Variants in PTPN1 observed in about 807,000 individuals in gnomAD.
The protein encoded by PTPN1 is protein tyrosine phosphatase non-receptor type 1.
Under a neutral mutation model 59.9 loss-of-function variants are expected in PTPN1, and 12 were observed. That is an observed-to-expected ratio of 0.20 (90% CI 0.13 to 0.32). The LOEUF (loss-of-function observed/expected upper bound fraction) is 0.32. Among genes scored for constraint, PTPN1 ranks in the 10% least tolerant of loss-of-function variants. The pLI is 1.00. For missense variants in PTPN1, 356 were observed against 549.2 expected, an observed-to-expected ratio of 0.65 and a Z score of 3.52; for synonymous variants, 178 against 203.6, an observed-to-expected ratio of 0.87 and a Z score of 1.07.
chr20:50,569,431 A>G (rs1027567131), intron 4 of PTPN1, among the ~76,000 whole-genome samples: 4 of 152,188 alleles, frequency 2.6e-5, no homozygotes, highest in Non-Finnish European at 4.4e-5. Flanking sequence ...AACTGCCTGC[A>G]TTCTCCCCTG....
chr20:50,553,614 CAG>C (rs2082713039), intron 1 of PTPN1, among the ~76,000 whole-genome samples: 1 of 152,164 alleles, frequency 6.6e-6, no homozygotes, highest in South Asian at 2.1e-4. Flanking sequence ...CGAAAACCAT[CAG>C]ATATGCAAAA....
At chr20:50,561,861 C>T (rs954396404) in intron 2 of PTPN1, among the ~76,000 whole-genome samples, 6 of 152,152 alleles carry the variant, frequency 3.9e-5, no homozygotes, top group Non-Finnish European at 5.9e-5. Context: ...TGGGCACTGT[C>T]GTCCCCTGCG....
intron 1 of PTPN1, among the ~76,000 whole-genome samples, chr20:50,511,931 AG>A (rs2082509479): frequency 6.6e-6 from 1 of 152,224 alleles, no homozygotes; most frequent in Non-Finnish European, 1.5e-5. Flanking sequence ...AAAGGAAAAA[AG>A]GTTTAAGCAG....
In PTPN1 at chr20:50,568,515, G is replaced by A. The variant is rs755972399; in HGVS notation, c.354+37G>A. On this transcript the variant is annotated intron_variant, in intron 4 of 9. Transcript: ENST00000371621. The surrounding 1 kb of genome is among the most constrained non-coding windows in gnomAD (Gnocchi z 5.6). ...CTTCATTTGCTGTGTATGTGATCAT[G>A]CATACCACTCCATATAGTTACCATT... is the stretch of plus-strand genomic sequence containing the variant. 8 of 1,473,400 alleles carry A rather than the reference G, an allele frequency of 5.4e-6. No individual in the cohort carries two copies. The highest frequency in any genetic ancestry group is 1.9e-6 in the Non-Finnish European group (2 of 1,051,930). The allele number at this position is 1,473,400 out of a possible 1,614,324, so 91.3% of individuals were successfully genotyped here. A position where few individuals can be genotyped will look rare whatever the true frequency, so the allele number is the denominator to read the frequency against.
chr20:50,524,461 AG>A (rs1484104592), intron 1 of PTPN1, among the ~76,000 whole-genome samples: 1,557 of 151,852 alleles, frequency 0.01, 28 homozygotes, highest in African/African-American at 0.035. Context: ...ACATGTGCCT[AG>A]TTCACTGACT....
intron 1 of PTPN1, among the ~76,000 whole-genome samples, chr20:50,525,020 A>G (rs749872575): frequency 3.5e-4 from 53 of 152,196 alleles, no homozygotes; most frequent in Admixed American, 7.9e-4. Flanking sequence ...TAGGTACTGT[A>G]ACACTTCAGA....
At chr20:50,533,091 A>C (rs900027858) in intron 1 of PTPN1, among the ~76,000 whole-genome samples, 6 of 148,938 alleles carry the variant, frequency 4.0e-5, no homozygotes, top group Non-Finnish European at 8.9e-5. Context: ...ATCCTATCAG[A>C]CTCTCCTGAT....
Position 50,578,509 on chromosome 20 carries a change from T to C in PTPN1, c.582T>C (p.Phe194=), listed in dbSNP as rs1400960817. ...AATCACCAGCCTCATTCTTGAACTT[T>C]CTTTTCAAAGTCCGAGAGTCAGGGT... ...VPESPASFLN[F]LFKVRESGSL... is the part of the protein sequence containing the mutation. Residue 194 remains phenylalanine (F), a synonymous_variant, in exon 6 of 10, where the codon TTT becomes TTC. Transcript: ENST00000371621. 7 of 1,614,120 alleles carry C rather than the reference T, an allele frequency of 4.3e-6. No homozygotes were observed. The East Asian group carries it at 8.9e-5, about 21-fold the overall frequency.
intron 1 of PTPN1, among the ~76,000 whole-genome samples, chr20:50,515,318 A>G (rs1028691715): frequency 3.3e-5 from 5 of 152,256 alleles, no homozygotes; most frequent in African/African-American, 9.6e-5. Context: ...CTCCCGTTCA[A>G]TCTAGCTTGC....
chr20:50,568,183 C>T lies in PTPN1; in HGVS notation c.256-197C>T, dbSNP rs6012967. ...GAACTGAGATGCGGAAATCGCCTTT[C>T]GCTGCCTGGTAGAAAATGGAGCTGC... On this transcript the variant is annotated intron_variant, in intron 3 of 9. Coordinates refer to ENST00000371621, the MANE Select transcript of PTPN1 (RefSeq NM_002827.4). This position sits in a 1 kb window ranked among gnomAD's most constrained non-coding sequence, Gnocchi z 5.6. Among the ~76,000 whole-genome samples the T allele has an allele frequency of 3.4e-3, 511 of 152,342 alleles. 2 individuals carry two copies. The Middle Eastern group carries it at 0.034, about 10-fold the overall frequency.
In PTPN1 at chr20:50,584,157, G is replaced by A. The variant is rs966855615; in HGVS notation, c.*1442G>A. On this transcript the variant is annotated 3_prime_UTR_variant, in exon 10 of 10. Transcript: ENST00000371621. ...GAAAAACACGGCAGCTGTAGCTCCC[G>A]AGCTACTCTCTTGCCAGCATTTTCA... The A allele has an allele frequency of 6.5e-6, 1 of 152,744 alleles. No homozygotes were observed. The highest frequency in any genetic ancestry group is 1.9e-4 in the East Asian group (1 of 5,186). The allele number at this position is 152,744 out of a possible 1,614,324, so 9.5% of individuals were successfully genotyped here.
intron 1 of PTPN1, among the ~76,000 whole-genome samples, chr20:50,539,925 C>A (rs2082642687): frequency 6.6e-6 from 1 of 151,292 alleles, no homozygotes. Flanking sequence ...TTAGAGTTTT[C>A]CGTTTTTCGT....
chr20:50,540,008 C>T (rs189408471), intron 1 of PTPN1, among the ~76,000 whole-genome samples: 25 of 151,490 alleles, frequency 1.7e-4, no homozygotes, highest in Admixed American at 3.3e-4. Context: ...CTTTGCCTGT[C>T]GTCTGTTTCT....
At chr20:50,579,062 T>C (rs2082851749) in intron 6 of PTPN1, 106 bp from the exon 7 acceptor site, 2 of 1,301,128 alleles carry the variant, frequency 1.5e-6, no homozygotes, top group South Asian at 1.3e-5. Context: ...ACACTAGGGA[T>C]CACATTTCAG....
chr20:50,551,485 G>A (rs2082701973), intron 1 of PTPN1, among the ~76,000 whole-genome samples: 1 of 152,162 alleles, frequency 6.6e-6, no homozygotes, highest in African/African-American at 2.4e-5. Context: ...CAGTGAAATG[G>A]AAACCATTTA....
At chr20:50,575,315 C>A (rs1295430087) in intron 5 of PTPN1, among the ~76,000 whole-genome samples, 1 of 152,164 alleles carries the variant, frequency 6.6e-6, no homozygotes, top group African/African-American at 2.4e-5. Flanking sequence ...GAAGAGTGGC[C>A]AGCCACCAAC....
intron 1 of PTPN1, among the ~76,000 whole-genome samples, chr20:50,539,554 G>A (rs1170821375): frequency 1.3e-5 from 2 of 151,092 alleles, no homozygotes; most frequent in Non-Finnish European, 2.9e-5. Flanking sequence ...AAGCATTGCT[G>A]TAAATGTTTG....
intron 1 of PTPN1, among the ~76,000 whole-genome samples, chr20:50,530,647 C>T (rs1267330375): frequency 6.7e-6 from 1 of 150,180 alleles, no homozygotes; most frequent in Non-Finnish European, 1.5e-5. Flanking sequence ...GCTGGGATTA[C>T]AAGTGCTGGG....
Position 50,579,769 on chromosome 20 carries a change from C to A in PTPN1, c.931C>A (p.Arg311=). The A allele has an allele frequency of 6.2e-7, 1 of 1,613,828 alleles. No homozygotes were observed. The highest frequency in any genetic ancestry group is 2.2e-5 in the East Asian group (1 of 44,872). Residue 311 remains arginine (R), a synonymous_variant, in exon 8 of 10, where the codon CGG becomes AGG. Coordinates refer to ENST00000371621, the MANE Select transcript of PTPN1 (RefSeq NM_002827.4). ...PPPEHIPPPP[R]PPKRILEPHN... The stretch of plus-strand genomic sequence containing the variant: ...ACCCGAGCATATCCCCCCACCTCCC[C>A]GGCCACCCAAACGAATCCTGGAGCC...
Sources: allele counts gnomAD v4.1 joint callset (sites outside exome capture counted in the v4.1 genomes callset), GRCh38; gene constraint gnomAD v4.1.1; non-coding constraint Gnocchi (gnomAD v3.1); transcripts MANE v1.5; gene names NCBI Gene and HGNC (gene_info 2026-07-23, HGNC 2026-07-21).